SEMA5A: variants seen among roughly 807,000 people sequenced by gnomAD.
The protein encoded by SEMA5A is semaphorin-5A.
In SEMA5A, 55 loss-of-function variants were observed where a neutral mutation model predicts 135.5. The ratio of observed to expected loss-of-function variants is 0.41; its 90% CI spans 0.33 to 0.51. The LOEUF (loss-of-function observed/expected upper bound fraction) is 0.51, where lower values mean the gene tolerates loss of function less well. Ranked by LOEUF, SEMA5A falls within the 20% of genes least tolerant of loss-of-function variation. SEMA5A has a pLI of 0.37. For synonymous variants in SEMA5A, 580 were observed against 546.5 expected, an observed-to-expected ratio of 1.06 and a Z score of -0.85; for missense variants, 1,290 against 1,419.9, an observed-to-expected ratio of 0.91 and a Z score of 1.47.
intron 3 of SEMA5A, among the ~76,000 whole-genome samples, chr5:9,366,707 T>C (rs566474303): frequency 6.6e-6 from 1 of 152,326 alleles, no homozygotes. Flanking sequence ...AATTCTATTG[T>C]GTTGTTGTTT....
intron 13 of SEMA5A, among the ~76,000 whole-genome samples, chr5:9,125,268 T>C (rs1223226544): frequency 2.0e-5 from 3 of 152,194 alleles, no homozygotes; most frequent in Non-Finnish European, 4.4e-5. Flanking sequence ...TGGCTATCTA[T>C]GTAAGAAACT....
In SEMA5A at chr5:9,294,205, C is replaced by G. The variant is rs541119154; in HGVS notation, c.270+24167G>C. ...CTTCCGGTACATCGTCACCTCCCCTCTCAGCTCGGCTGCAGCCACTCAAGG... is the reference window on the plus strand; with the variant it reads ...CTTCCGGTACATCGTCACCTCCCCTGTCAGCTCGGCTGCAGCCACTCAAGG... On this transcript the variant is annotated intron_variant, in intron 5 of 22. Transcript: ENST00000382496. 7.2e-5 allele frequency among the ~76,000 whole-genome samples: 11 copies of G among 152,288 alleles called. No homozygotes were observed. In the South Asian group the frequency reaches 1.2e-3, roughly 17 times the overall value.
intron 1 of SEMA5A, among the ~76,000 whole-genome samples, chr5:9,470,272 G>C (rs1420990687): frequency 6.6e-6 from 1 of 152,192 alleles, no homozygotes; most frequent in Non-Finnish European, 1.5e-5. Context: ...TGTTCCTATA[G>C]TGTGTGCTTC....
chr5:9,107,428 T>C (rs1034214023), intron 16 of SEMA5A, among the ~76,000 whole-genome samples: 1 of 152,086 alleles, frequency 6.6e-6, no homozygotes, highest in Non-Finnish European at 1.5e-5. Flanking sequence ...ACTCTAACAA[T>C]GGCTCCATAT....
chr5:9,251,702 G>A (rs1748797912), intron 5 of SEMA5A, among the ~76,000 whole-genome samples: 1 of 152,114 alleles, frequency 6.6e-6, no homozygotes, highest in South Asian at 2.1e-4. Context: ...CAGAATCCTG[G>A]AATCAGACAA....
At chr5:9,058,131 T>C (rs1048080976) in intron 18 of SEMA5A, among the ~76,000 whole-genome samples, 1 of 152,150 alleles carries the variant, frequency 6.6e-6, no homozygotes, top group Non-Finnish European at 1.5e-5. Flanking sequence ...TTTTTTCCCC[T>C]GCTATGTGAA....
intron 2 of SEMA5A, among the ~76,000 whole-genome samples, chr5:9,402,717 T>G (rs1367632989): frequency 6.6e-6 from 1 of 152,196 alleles, no homozygotes; most frequent in Non-Finnish European, 1.5e-5. Context: ...AATAATCTCA[T>G]CCTGCTTTTA....
chr5:9,220,911 T>C (rs1428179431), intron 8 of SEMA5A, among the ~76,000 whole-genome samples: 1 of 152,076 alleles, frequency 6.6e-6, no homozygotes, highest in African/African-American at 2.4e-5. Context: ...AAGATGAGAA[T>C]TGCCTGAAGA....
rs1355890236 is a variant in SEMA5A at position 9,283,792 on chromosome 5, C to T, written c.270+34580G>A. Reference sequence around the variant, plus strand: ...ACACAGGCAAGTTAGTAAGGTTTGTCCACTGTCCTGGACATGTTCAGTATT... The same window carrying T: ...ACACAGGCAAGTTAGTAAGGTTTGTTCACTGTCCTGGACATGTTCAGTATT... On this transcript the variant is annotated intron_variant, in intron 5 of 22. Transcript: ENST00000382496. Among the ~76,000 whole-genome samples the T allele has an allele frequency of 2.0e-5, 3 of 152,126 alleles. No individual in the cohort carries two copies. The East Asian group carries it at 5.8e-4, about 29-fold the overall frequency.
At chr5:9,249,646 T>C (rs1234793748) in intron 5 of SEMA5A, among the ~76,000 whole-genome samples, 1 of 152,174 alleles carries the variant, frequency 6.6e-6, no homozygotes, top group Admixed American at 6.6e-5. Context: ...AAAGATGTAG[T>C]TGTTGATATA....
chr5:9,380,677 T>C (rs557646370), intron 2 of SEMA5A, among the ~76,000 whole-genome samples: 1 of 152,326 alleles, frequency 6.6e-6, no homozygotes, highest in East Asian at 1.9e-4. Flanking sequence ...GAAATAAAAG[T>C]ACTATGCTTG....
At position 9,308,504 on chromosome 5, in the gene SEMA5A, T is replaced by C. The variant is rs190995558; in HGVS notation, c.270+9868A>G. ...TTCCTTTCTTTGCTATGTCACACAC[T>C]CCCTACCTTTTGAGAGCATGCCTTA... On this transcript the variant is annotated intron_variant, in intron 5 of 22. Transcript: ENST00000382496. Among the ~76,000 whole-genome samples the C allele has an allele frequency of 4.3e-4, 66 of 152,228 alleles. 2 individuals carry two copies. The East Asian group carries it at 9.4e-3, about 22-fold the overall frequency.
intron 1 of SEMA5A, among the ~76,000 whole-genome samples, chr5:9,535,703 G>A (rs1046908519): frequency 1.3e-5 from 2 of 152,082 alleles, no homozygotes; most frequent in African/African-American, 4.8e-5. Flanking sequence ...GGAAGTGAGA[G>A]TGATTCAAAG....
intron 12 of SEMA5A, among the ~76,000 whole-genome samples, chr5:9,154,193 T>C (rs1279871147): frequency 6.7e-6 from 1 of 150,330 alleles, no homozygotes; most frequent in Non-Finnish European, 1.5e-5. Flanking sequence ...AATACAGTCA[T>C]CAAATATCAG....
intron 1 of SEMA5A, among the ~76,000 whole-genome samples, chr5:9,522,441 G>A (rs1736888239): frequency 6.6e-6 from 1 of 152,070 alleles, no homozygotes; most frequent in Non-Finnish European, 1.5e-5. Context: ...ACATTTGCTG[G>A]GCATGGTGCT....
intron 2 of SEMA5A, among the ~76,000 whole-genome samples, chr5:9,381,758 C>T (rs1561204705): frequency 6.6e-6 from 1 of 152,156 alleles, no homozygotes; most frequent in Non-Finnish European, 1.5e-5. Flanking sequence ...AGATTCCTGA[C>T]CCCACAAATG....
rs1740031970 is a variant in SEMA5A, at chr5:9,108,240, C to A, written c.1973G>T (p.Gly658Val). ...TGTGCACCGTTCCCAAGGACCCCAG[C>A]CTGTCCAGAACATGTGTGGGGGACA... ...LLCPPHMFWT[G>V]WGPWERCTAQ... is the part of the protein sequence containing the mutation. The change falls in exon 16 of 23, where the codon GGC becomes GTC. Residue 658 changes from glycine to valine, a missense_variant. By Grantham distance (109) the Gly-to-Val change is moderately radical. This residue lies in a region of SEMA5A where 1,029 missense variants were observed against 1,086.6 expected (regional missense o/e 0.95). Transcript: ENST00000382496. The A allele has an allele frequency of 3.1e-6, 5 of 1,614,156 alleles. No homozygotes were observed. The East Asian group carries it at 1.1e-4, about 36-fold the overall frequency.
At chr5:9,081,003 G>A (rs566780451) in intron 16 of SEMA5A, among the ~76,000 whole-genome samples, 38 of 152,232 alleles carry the variant, frequency 2.5e-4, no homozygotes, top group Admixed American at 6.5e-4. Flanking sequence ...CAACCTCCTC[G>A]TACCTTACTA....
At chr5:9,126,035 A>G (rs1741091831) in intron 13 of SEMA5A, among the ~76,000 whole-genome samples, 1 of 152,200 alleles carries the variant, frequency 6.6e-6, no homozygotes, top group Non-Finnish European at 1.5e-5. Context: ...TTGACTGTCA[A>G]AAGCATGTCT....
Sources: allele counts gnomAD v4.1 joint callset (sites outside exome capture counted in the v4.1 genomes callset), GRCh38; gene constraint gnomAD v4.1.1; regional missense constraint gnomAD v4.1.1; transcripts MANE v1.5; gene names NCBI Gene and HGNC (gene_info 2026-07-23, HGNC 2026-07-21).